The following ADHFE1 variants were observed in gnomAD, a reference collection of about 807,000 sequenced individuals.
The protein encoded by ADHFE1 is alcohol dehydrogenase iron containing 1, also known as hydroxyacid-oxoacid transhydrogenase, mitochondrial.
Under a neutral mutation model 54.8 loss-of-function variants are expected in ADHFE1, and 37 were observed. The observed-to-expected ratio is 0.68, with a 90% CI of 0.52 to 0.89. ADHFE1 has a LOEUF of 0.89. Ranked by LOEUF, ADHFE1 falls within the 40% of genes least tolerant of loss-of-function variation. The pLI is 0.00. For synonymous variants in ADHFE1, 203 were observed against 229.3 expected, an observed-to-expected ratio of 0.89 and a Z score of 1.04; for missense variants, 601 against 591.2, an observed-to-expected ratio of 1.02 and a Z score of -0.17.
At chr8:66,455,236 A>T (rs1806516257) in intron 10 of ADHFE1, among the ~76,000 whole-genome samples, 1 of 152,200 alleles carries the variant, frequency 6.6e-6, no homozygotes, top group African/African-American at 2.4e-5. Flanking sequence ...GCGCTGTTTT[A>T]CATTCCCACC....
At position 66,461,475 on chromosome 8, in the gene ADHFE1, C is replaced by T. The variant is rs1472864879; in HGVS notation, c.1320+1010C>T. On this transcript the variant is annotated intron_variant, in intron 13 of 13. Coordinates refer to ENST00000396623, the MANE Select transcript of ADHFE1 (RefSeq NM_144650.3). ...CAAACTAGCTTCTTCCTCCCCACTT[C>T]GCTAGTGCTTAGAATGTTGACAGCC... 4.6e-5 allele frequency among the ~76,000 whole-genome samples: 7 copies of T among 152,112 alleles called. 1 individual carries two copies. Among genetic ancestry groups the T allele is most frequent in the South Asian group, 2.1e-4 (1 of 4,834 alleles).
chr8:66,464,823 T>C (rs1227853993), intron 13 of ADHFE1, among the ~76,000 whole-genome samples: 2 of 152,238 alleles, frequency 1.3e-5, no homozygotes, highest in South Asian at 2.1e-4. Context: ...AACTCTTTTT[T>C]TAATCATGCC....
intron 7 of ADHFE1, 110 bp downstream of exon 7, chr8:66,447,451 A>G: frequency 1.1e-6 from 1 of 896,606 alleles, no homozygotes; most frequent in Non-Finnish European, 1.7e-6. Flanking sequence ...ATAAGCCCCA[A>G]TATTCTATAG....
chr8:66,460,880 C>T (rs540070094), intron 13 of ADHFE1, among the ~76,000 whole-genome samples: 3 of 152,350 alleles, frequency 2.0e-5, no homozygotes, highest in African/African-American at 7.2e-5. Flanking sequence ...CAGGTCTCTA[C>T]TATTTTGTGA....
chr8:66,442,289 A>C (rs1805790601), intron 2 of ADHFE1, among the ~76,000 whole-genome samples: 1 of 151,890 alleles, frequency 6.6e-6, no homozygotes, highest in Non-Finnish European at 1.5e-5. Context: ...AATTAGGCTC[A>C]AGTTAGCATT....
Position 66,439,194 on chromosome 8 carries a change from T to A in ADHFE1, c.60-968T>A. 3.0e-6 allele frequency: 3 copies of A among 985,456 alleles called. No homozygotes were observed. The highest frequency in any genetic ancestry group is 3.6e-6 in the Non-Finnish European group (3 of 829,952). 61.0% of individuals were successfully genotyped at this position (985,456 alleles called of 1,614,324 possible). A position where few individuals can be genotyped will look rare whatever the true frequency, so the allele number is the denominator to read the frequency against. ...GGACGGCCACTGAGATCAACCCTTTTCCTTCCTCCCCAACCTTCCCCCTCG... is the reference window on the plus strand; with the variant it reads ...GGACGGCCACTGAGATCAACCCTTTACCTTCCTCCCCAACCTTCCCCCTCG... On this transcript the variant is annotated intron_variant, in intron 1 of 13. Transcript: ENST00000396623. This position sits in a 1 kb window ranked among gnomAD's most constrained non-coding sequence, Gnocchi z 4.4.
At chr8:66,441,740 T>TA (rs1386870677) in intron 2 of ADHFE1, among the ~76,000 whole-genome samples, 2 of 152,118 alleles carry the variant, frequency 1.3e-5, no homozygotes, top group Non-Finnish European at 2.9e-5. Flanking sequence ...CTCACACCCA[T>TA]AATCCTAGGA....
At chr8:66,446,804 A>G (rs890313127) in intron 6 of ADHFE1, among the ~76,000 whole-genome samples, 3 of 152,248 alleles carry the variant, frequency 2.0e-5, no homozygotes, top group Non-Finnish European at 4.4e-5. Context: ...CAGAGGTCAC[A>G]CATACATATT....
At position 66,457,100 on chromosome 8, in the gene ADHFE1, C is replaced by T; in HGVS notation, c.1096C>T (p.Pro366Ser). ...TGGCCTTTCTGTGGTGCTCACGTCC[C>T]CAGCGGTGTTCACTTTCACGGCCCA... ...PHGLSVVLTS[P>S]AVFTFTAQMF... The change falls in exon 12 of 14, where the codon CCA (proline) becomes TCA (serine). Residue 366 changes from proline (P) to serine (S), a missense_variant. Physicochemically the swap from Pro to Ser is moderately conservative, Grantham distance 74. Transcript: ENST00000396623. The T allele has an allele frequency of 6.2e-7, 1 of 1,613,906 alleles. No individual in the cohort carries two copies. Among genetic ancestry groups the T allele is most frequent in the South Asian group, 1.1e-5 (1 of 91,058 alleles).
intron 13 of ADHFE1, among the ~76,000 whole-genome samples, chr8:66,467,903 C>T (rs540578975): frequency 7.9e-5 from 12 of 152,270 alleles, no homozygotes; most frequent in Admixed American, 2.0e-4. Flanking sequence ...TGGTCTTAGA[C>T]TTCGGGGACG....
At chr8:66,437,293 G>A (rs1805513932) in intron 1 of ADHFE1, among the ~76,000 whole-genome samples, 1 of 152,170 alleles carries the variant, frequency 6.6e-6, no homozygotes, top group South Asian at 2.1e-4. Flanking sequence ...GAGAGCTGCT[G>A]GCAGTCCTTG....
chr8:66,463,629 G>A (rs1411110803), intron 13 of ADHFE1, among the ~76,000 whole-genome samples: 5 of 152,304 alleles, frequency 3.3e-5, no homozygotes, highest in South Asian at 4.1e-4. Context: ...TTTGATGGCA[G>A]TGACTGTTTT....
At chr8:66,466,047 T>G (rs1479554157) in intron 13 of ADHFE1, among the ~76,000 whole-genome samples, 1 of 151,768 alleles carries the variant, frequency 6.6e-6, no homozygotes, top group Non-Finnish European at 1.5e-5. Flanking sequence ...TCTGTTTTTT[T>G]TTTTCTTTTT....
intron 13 of ADHFE1, among the ~76,000 whole-genome samples, chr8:66,461,972 A>G (rs1255785335): frequency 6.6e-6 from 1 of 152,082 alleles, no homozygotes; most frequent in Non-Finnish European, 1.5e-5. Context: ...CACTAAAAAA[A>G]TCACACTCTC....
intron 9 of ADHFE1, chr8:66,453,832 G>A: frequency 6.8e-7 from 1 of 1,480,512 alleles, no homozygotes; most frequent in Non-Finnish European, 9.1e-7. Flanking sequence ...CACATGAGCA[G>A]CTGACAGCGT....
intron 8 of ADHFE1, among the ~76,000 whole-genome samples, chr8:66,449,457 T>C (rs1160952983): frequency 2.0e-5 from 3 of 152,212 alleles, no homozygotes; most frequent in Admixed American, 2.0e-4. Flanking sequence ...ACCATGCACA[T>C]TGTGTTAGCA....
chr8:66,436,524 G>T (rs988962304), intron 1 of ADHFE1, among the ~76,000 whole-genome samples: 2 of 152,130 alleles, frequency 1.3e-5, no homozygotes, highest in African/African-American at 2.4e-5. Flanking sequence ...GCCATTAGAT[G>T]GGGATGGGGA....
Position 66,440,160 on chromosome 8 carries a change from A to G in ADHFE1, c.60-2A>G, listed in dbSNP as rs1223154949. Reference sequence around the variant, plus strand: ...TTTTGCTGTCGTTTTTATTTTCCCTAGGTGCCAGTGCCCAACTCATTCTCA... The same window carrying G: ...TTTTGCTGTCGTTTTTATTTTCCCTGGGTGCCAGTGCCCAACTCATTCTCA... On this transcript the variant is annotated splice_acceptor_variant, in intron 1 of 13. Transcript: ENST00000396623. LOFTEE classifies it high-confidence loss of function. The G allele has an allele frequency of 1.2e-6, 2 of 1,611,050 alleles. No individual in the cohort carries two copies. Among genetic ancestry groups the G allele is most frequent in the East Asian group, 4.5e-5 (2 of 44,834 alleles).
intron 3 of ADHFE1, 107 bp from the exon 4 acceptor site, chr8:66,444,260 A>T: frequency 1.0e-6 from 1 of 977,950 alleles, no homozygotes; most frequent in Non-Finnish European, 1.6e-6. Context: ...CATGCTAAGG[A>T]GTGTATACTT....
Sources: allele counts gnomAD v4.1 joint callset (sites outside exome capture counted in the v4.1 genomes callset), GRCh38; gene constraint gnomAD v4.1.1; non-coding constraint Gnocchi (gnomAD v3.1); transcripts MANE v1.5; gene names NCBI Gene and HGNC (gene_info 2026-07-23, HGNC 2026-07-21).